PCDHGA5: variants seen among roughly 807,000 people sequenced by gnomAD.
PCDHGA5 encodes protocadherin gamma-A5.
PCDHGA5 carries 36 observed loss-of-function variants against 56.7 expected under a neutral mutation model. The ratio of observed to expected loss-of-function variants is 0.64; its 90% CI spans 0.49 to 0.84. PCDHGA5 has a LOEUF of 0.84. PCDHGA5 is among the 40% of genes least tolerant of loss of function. The pLI, the probability that PCDHGA5 is intolerant of heterozygous loss-of-function variation, is 0.00. For missense variants in PCDHGA5, 1,305 were observed against 1,201.5 expected (o/e 1.09, Z -1.27); for synonymous variants, 563 against 520.2 (o/e 1.08, Z -1.12).
intron 1 of PCDHGA5, chr5:141,387,741 G>T: frequency 1.5e-6 from 2 of 1,332,868 alleles, no homozygotes; most frequent in Non-Finnish European, 2.0e-6. Context: ...CCTTTACACC[G>T]CTTCCTCCTC....
rs1407774111 is a variant in PCDHGA5 at position 141,431,569 on chromosome 5, C to G, written c.2422-63238C>G. On this transcript the variant is annotated intron_variant, in intron 1 of 3. Transcript: ENST00000518069. The surrounding 1 kb of genome is among the most constrained non-coding windows in gnomAD (Gnocchi z 4.8). Reference sequence around the variant, plus strand: ...TTGTAGTCAACGCTACCGACCCTGACGAAGGAGTCAATGCGGAAGTGAGGT... The same window carrying G: ...TTGTAGTCAACGCTACCGACCCTGAGGAAGGAGTCAATGCGGAAGTGAGGT... 5.6e-6 allele frequency: 9 copies of G among 1,614,000 alleles called. No homozygotes were observed. Among genetic ancestry groups the G allele is most frequent in the African/African-American group, 2.7e-5 (2 of 74,932 alleles).
chr5:141,414,624 G>A (rs764233527), intron 1 of PCDHGA5: 5 of 1,613,814 alleles, frequency 3.1e-6, no homozygotes, highest in African/African-American at 2.7e-5. Flanking sequence ...CGCTGGACCC[G>A]GACAGCAAAG....
At position 141,477,131 on chromosome 5, in the gene PCDHGA5, TTGG is replaced by T; in HGVS notation, c.2422-17672_2422-17670del. 1 of 1,614,130 alleles carries T rather than the reference TTGG, an allele frequency of 6.2e-7. No individual in the cohort carries two copies. The highest frequency in any genetic ancestry group is 8.5e-7 in the Non-Finnish European group (1 of 1,180,014). On this transcript the variant is annotated intron_variant, in intron 1 of 3. Transcript: ENST00000518069. The surrounding 1 kb of genome is among the most constrained non-coding windows in gnomAD (Gnocchi z 4.9). The stretch of plus-strand genomic sequence containing the variant: ...TCCCGAAGGAGCACATTGCAAAGTG[TTGG>T]TGGAGGTTGTGGATGTGAATGACAA...
chr5:141,427,381 T>G (rs1315804574), intron 1 of PCDHGA5: 1 of 458,822 alleles, frequency 2.2e-6, no homozygotes, highest in Middle Eastern at 3.2e-4. Context: ...GTGATCACTC[T>G]GTTCAAAACA....
intron 1 of PCDHGA5, chr5:141,376,294 C>T (rs572453488): frequency 9.9e-6 from 16 of 1,614,226 alleles, no homozygotes; most frequent in East Asian, 2.2e-5. Context: ...GCATGCCCGG[C>T]TCGCACTTTG....
In PCDHGA5 at chr5:141,374,203, G is replaced by T. The variant is rs375029709; in HGVS notation, c.2421+7452G>T. On this transcript the variant is annotated intron_variant, in intron 1 of 3. Transcript: ENST00000518069. ...GCTACTCTATTCCCGAGGAGCTGGA[G>T]AAAGGCTCCTTCGTAGGCAACATCG... 4.3e-6 allele frequency: 7 copies of T among 1,613,808 alleles called. No homozygotes were observed. The East Asian group carries it at 1.1e-4, about 26-fold the overall frequency.
At chr5:141,504,206 A>G (rs1209911822) in intron 2 of PCDHGA5, among the ~76,000 whole-genome samples, 1 of 152,218 alleles carries the variant, frequency 6.6e-6, no homozygotes, top group African/African-American at 2.4e-5. Flanking sequence ...CTGTGGGAAA[A>G]TTCCAAGTAG....
intron 1 of PCDHGA5, among the ~76,000 whole-genome samples, chr5:141,446,120 T>C (rs2098489182): frequency 6.6e-6 from 1 of 152,196 alleles, no homozygotes; most frequent in Admixed American, 6.5e-5. Flanking sequence ...AGGAAATGGG[T>C]TCAATAAGAC....
chr5:141,373,270 G>A (rs1444168164), intron 1 of PCDHGA5, among the ~76,000 whole-genome samples: 3 of 152,194 alleles, frequency 2.0e-5, no homozygotes, highest in Non-Finnish European at 4.4e-5. Context: ...AGTATACACA[G>A]ATGTTGCCTA....
At chr5:141,468,560 T>TA (rs2099169084) in intron 1 of PCDHGA5, 1 of 152,004 alleles carries the variant, frequency 6.6e-6, no homozygotes, top group Non-Finnish European at 1.5e-5. Context: ...ATTTGTGATA[T>TA]AGTAAACAAT....
chr5:141,451,256 A>T (rs376288655), intron 1 of PCDHGA5, among the ~76,000 whole-genome samples: 1 of 152,212 alleles, frequency 6.6e-6, no homozygotes, highest in African/African-American at 2.4e-5. Context: ...GTGGATCAGG[A>T]CTGGGTATAG....
intron 1 of PCDHGA5, chr5:141,478,214 C>T (rs1258200424): frequency 6.2e-7 from 1 of 1,614,140 alleles, no homozygotes; most frequent in Admixed American, 1.7e-5. Flanking sequence ...TTCTCTAATC[C>T]TGGTTTCTGT....
chr5:141,457,471 C>T (rs1478580665), intron 1 of PCDHGA5, among the ~76,000 whole-genome samples: 1 of 152,182 alleles, frequency 6.6e-6, no homozygotes, highest in African/African-American at 2.4e-5. Context: ...CAGGAATAAG[C>T]AGGGCCAGGG....
At chr5:141,433,266 T>C in intron 1 of PCDHGA5, 1 of 1,315,306 alleles carries the variant, frequency 7.6e-7, no homozygotes, top group Non-Finnish European at 1.1e-6. Flanking sequence ...CGATCATAGC[T>C]CACTGCAGCC....
intron 1 of PCDHGA5, chr5:141,405,289 C>G (rs1206637203): frequency 1.7e-5 from 28 of 1,614,070 alleles, no homozygotes; most frequent in Non-Finnish European, 2.4e-5. Context: ...CAGACACACT[C>G]ATCAGCCAGC....
At position 141,389,758 on chromosome 5, in the gene PCDHGA5, G is replaced by T. The variant is rs201153580; in HGVS notation, c.2421+23007G>T. On this transcript the variant is annotated intron_variant, in intron 1 of 3. Transcript: ENST00000518069. Reference sequence around the variant, plus strand: ...CTGGGGCTGCGCACGGGCGAAGTGCGCACAGCGCGTGCCTTAGGCGACAGG... The same window carrying T: ...CTGGGGCTGCGCACGGGCGAAGTGCTCACAGCGCGTGCCTTAGGCGACAGG... The T allele has an allele frequency of 1.4e-4, 224 of 1,612,792 alleles. No homozygotes were observed. The African/African-American group carries it at 2.7e-3, about 19-fold the overall frequency.
chr5:141,418,126 A>G (rs2096226975), intron 1 of PCDHGA5: 3 of 1,613,994 alleles, frequency 1.9e-6, no homozygotes, highest in Non-Finnish European at 2.5e-6. Context: ...TGAAGGACCG[A>G]ATAGACCGTG....
At position 141,370,970 on chromosome 5, in the gene PCDHGA5, A is replaced by G. The variant is rs773655204; in HGVS notation, c.2421+4219A>G. The G allele has an allele frequency of 4.3e-6, 7 of 1,614,032 alleles. 1 individual carries two copies. Among genetic ancestry groups the G allele is most frequent in the East Asian group, 4.5e-5 (2 of 44,890 alleles). The stretch of plus-strand genomic sequence containing the variant: ...AGAACCTGGATGGCAGTAGGTACCC[A>G]GAGCTAGTACTGAAAGCACCCCTGG... On this transcript the variant is annotated intron_variant, in intron 1 of 3. Transcript: ENST00000518069.
rs765743251 is a variant in PCDHGA5 at position 141,476,488 on chromosome 5, G to A, written c.2422-18319G>A. ...TGGAGCTGTTCAGCGTGGAAGTGGTGATCCAGGACATCAACGACAACAATC... is the reference window on the plus strand; with the variant it reads ...TGGAGCTGTTCAGCGTGGAAGTGGTAATCCAGGACATCAACGACAACAATC... On this transcript the variant is annotated intron_variant, in intron 1 of 3. Coordinates refer to ENST00000518069, the MANE Select transcript of PCDHGA5 (RefSeq NM_018918.3). This position sits in a 1 kb window ranked among gnomAD's most constrained non-coding sequence, Gnocchi z 7.6. 4 of 1,613,932 alleles carry A rather than the reference G, an allele frequency of 2.5e-6. No homozygotes were observed. Among genetic ancestry groups the A allele is most frequent in the Non-Finnish European group, 3.4e-6 (4 of 1,180,016 alleles).
Sources: gnomAD v4.1 joint callset for allele counts (sites outside exome capture counted in the v4.1 genomes callset) on GRCh38, gnomAD v4.1.1 for gene constraint, Gnocchi (gnomAD v3.1) non-coding constraint, MANE v1.5 for transcripts, NCBI Gene and HGNC (gene_info 2026-07-23, HGNC 2026-07-21) for gene names.